Variants in AGBL4 observed in about 807,000 individuals in gnomAD.
AGBL4 encodes the protein AGBL carboxypeptidase 4.
AGBL4 carries 58 observed loss-of-function variants against 66.4 expected under a neutral mutation model. That is an observed-to-expected ratio of 0.87 (90% confidence interval 0.71 to 1.09). The LOEUF (loss-of-function observed/expected upper bound fraction) is 1.09, where lower values mean the gene tolerates loss of function less well. Ranked by LOEUF, AGBL4 falls within the 50% of genes least tolerant of loss-of-function variation. The pLI is 0.00. For missense variants in AGBL4, 579 were observed against 631.0 expected, an observed-to-expected ratio of 0.92 and a Z score of 0.88; for synonymous variants, 234 against 222.9, an observed-to-expected ratio of 1.05 and a Z score of -0.44.
intron 5 of AGBL4, among the ~76,000 whole-genome samples, chr1:48,871,380 T>C (rs1173809389): frequency 6.6e-6 from 1 of 151,546 alleles, no homozygotes; most frequent in African/African-American, 2.4e-5. Context: ...TGTGTGTGTG[T>C]GTGTGTTTGT....
intron 3 of AGBL4, among the ~76,000 whole-genome samples, chr1:49,578,439 T>TGAAG (rs1236604206): frequency 1.3e-5 from 2 of 152,212 alleles, no homozygotes; most frequent in Admixed American, 6.5e-5. Flanking sequence ...AGGTGCTTGC[T>TGAAG]GAAGGCAAAA....
intron 4 of AGBL4, among the ~76,000 whole-genome samples, chr1:49,066,888 C>T (rs1571362393): frequency 6.6e-6 from 1 of 152,246 alleles, no homozygotes; most frequent in African/African-American, 2.4e-5. Context: ...TTTCCAAATT[C>T]AGTTAATTTT....
chr1:49,175,037 A>G (rs1422031688), intron 4 of AGBL4: 1 of 152,116 alleles, frequency 6.6e-6, no homozygotes, highest in East Asian at 1.9e-4. Flanking sequence ...AAAGAAACCA[A>G]AAATCATGGT....
chr1:49,571,418 CA>C (rs1360046358), intron 3 of AGBL4, among the ~76,000 whole-genome samples: 5 of 151,942 alleles, frequency 3.3e-5, no homozygotes, highest in African/African-American at 4.8e-5. Context: ...TTTCGTACAT[CA>C]ATTTTGTATC....
At chr1:48,794,461 T>C (rs1040225421) in intron 6 of AGBL4, among the ~76,000 whole-genome samples, 1 of 152,192 alleles carries the variant, frequency 6.6e-6, no homozygotes, top group African/African-American at 2.4e-5. Flanking sequence ...GAAAGTGCTA[T>C]GCATAGTTAT....
In AGBL4 at chr1:48,532,987, G is replaced by A. The variant is rs1210159189; in HGVS notation, c.*1186C>T. On this transcript the variant is annotated 3_prime_UTR_variant, in exon 14 of 14. Transcript: ENST00000371839. ...TTTCTGAAAACTAGCATGCAAAGGAGAACAAGTTTTCTTTTTGATTTTTGT... is the reference window on the plus strand; with the variant it reads ...TTTCTGAAAACTAGCATGCAAAGGAAAACAAGTTTTCTTTTTGATTTTTGT... 1 of 152,192 alleles carries A rather than the reference G, an allele frequency of 6.6e-6. No homozygotes were observed. Among genetic ancestry groups the A allele is most frequent in the Non-Finnish European group, 1.5e-5 (1 of 68,096 alleles). 9.4% of individuals were successfully genotyped at this position (152,192 alleles called of 1,614,324 possible).
chr1:48,640,008 G>A (rs971249436), intron 8 of AGBL4, among the ~76,000 whole-genome samples: 18 of 152,298 alleles, frequency 1.2e-4, no homozygotes, highest in Middle Eastern at 3.4e-3. Context: ...TAGAGTTACT[G>A]AATGCAAAAT....
chr1:48,934,138 T>A (rs1274497787), intron 5 of AGBL4, among the ~76,000 whole-genome samples: 2 of 152,182 alleles, frequency 1.3e-5, no homozygotes, highest in Admixed American at 1.3e-4. Flanking sequence ...AGGTTTGATA[T>A]CTCTGGAGAC....
intron 3 of AGBL4, among the ~76,000 whole-genome samples, chr1:49,604,640 C>T (rs1645030290): frequency 6.6e-6 from 1 of 151,996 alleles, no homozygotes; most frequent in Non-Finnish European, 1.5e-5. Flanking sequence ...TTTTTTGAAT[C>T]ATTTTATGGA....
chr1:49,754,391 G>T (rs1651727186), intron 2 of AGBL4, among the ~76,000 whole-genome samples: 1 of 151,194 alleles, frequency 6.6e-6, no homozygotes, highest in Non-Finnish European at 1.5e-5. Flanking sequence ...TGTTCTTTTT[G>T]TTAATGTTGA....
intron 5 of AGBL4, among the ~76,000 whole-genome samples, chr1:49,016,336 AC>A (rs565273370): frequency 2.0e-5 from 3 of 152,292 alleles, no homozygotes; most frequent in African/African-American, 7.2e-5. Context: ...AGGGTTTCTG[AC>A]AGGATGTTTT....
intron 6 of AGBL4, chr1:48,759,479 T>C (rs1644138880): frequency 1.8e-6 from 2 of 1,131,544 alleles, no homozygotes; most frequent in Non-Finnish European, 2.4e-6. Context: ...ATAAATGGGG[T>C]TCCGAGTGGG....
At chr1:49,060,411 A>G (rs1013003516) in intron 4 of AGBL4, among the ~76,000 whole-genome samples, 2 of 152,176 alleles carry the variant, frequency 1.3e-5, no homozygotes, top group Non-Finnish European at 2.9e-5. Flanking sequence ...AAACTACCCA[A>G]TATGGGGCAG....
chr1:49,328,784 C>T (rs961356313), intron 3 of AGBL4, among the ~76,000 whole-genome samples: 2 of 152,240 alleles, frequency 1.3e-5, no homozygotes, highest in Non-Finnish European at 2.9e-5. Context: ...CCCTCCCCAA[C>T]AAACCAACTC....
intron 5 of AGBL4, among the ~76,000 whole-genome samples, chr1:49,029,324 TAAA>T (rs1201173853): frequency 6.6e-6 from 1 of 151,956 alleles, no homozygotes; most frequent in Non-Finnish European, 1.5e-5. Flanking sequence ...AGGAATCTAA[TAAA>T]AAACAATTAG....
Position 49,435,768 on chromosome 1 carries a change from G to A in AGBL4, c.283-189904C>T, listed in dbSNP as rs78482492. On this transcript the variant is annotated intron_variant, in intron 3 of 13. Transcript: ENST00000371839. ...AGTAACTGGGAAGGTTTGGTAGCTT[G>A]GGCTTATTCTTAAAGGTAGATATTA... 2.8e-3 allele frequency among the ~76,000 whole-genome samples: 426 copies of A among 152,176 alleles called. 11 individuals carry two copies. The East Asian group carries it at 0.073, about 26-fold the overall frequency.
intron 6 of AGBL4, among the ~76,000 whole-genome samples, chr1:48,724,030 T>C (rs1335320499): frequency 6.6e-6 from 1 of 152,116 alleles, no homozygotes; most frequent in Non-Finnish European, 1.5e-5. Flanking sequence ...AAGCAGAAGA[T>C]GTCCAGAGAG....
chr1:49,893,962 G>T (rs1376491476), intron 1 of AGBL4, among the ~76,000 whole-genome samples: 1 of 152,212 alleles, frequency 6.6e-6, no homozygotes, highest in Non-Finnish European at 1.5e-5. Context: ...CACACTCCCA[G>T]TGGTAGTAGT....
chr1:48,694,831 C>T (rs12026305), intron 6 of AGBL4, among the ~76,000 whole-genome samples: 1 of 151,354 alleles, frequency 6.6e-6, no homozygotes, highest in East Asian at 1.9e-4. Flanking sequence ...ATAACCCCCT[C>T]TAGCAAATGA....
Sources: allele counts gnomAD v4.1 joint callset (sites outside exome capture counted in the v4.1 genomes callset), GRCh38; gene constraint gnomAD v4.1.1; transcripts MANE v1.5; gene names NCBI Gene and HGNC (gene_info 2026-07-23, HGNC 2026-07-21).